The following C12orf56 variants were observed in gnomAD, a reference collection of about 807,000 sequenced individuals.
The protein encoded by C12orf56 is uncharacterized protein C12orf56.
In C12orf56, 71 loss-of-function variants were observed where a neutral mutation model predicts 69.9. That is an observed-to-expected ratio of 1.02 (90% CI 0.84 to 1.24). The LOEUF is 1.24. Ranked by LOEUF, C12orf56 falls within the 50% of genes most tolerant of loss-of-function variation. The pLI, the probability that C12orf56 is intolerant of heterozygous loss-of-function variation, is 0.00. For synonymous variants in C12orf56, 276 were observed against 274.1 expected (o/e 1.01, Z -0.07); for missense variants, 732 against 738.5 (o/e 0.99, Z 0.10).
Position 64,305,700 on chromosome 12 carries a change from A to G in C12orf56, c.969-1921T>C, listed in dbSNP as rs906524803. Among the ~76,000 whole-genome samples, 4 of 152,138 alleles carry G rather than the reference A, an allele frequency of 2.6e-5. No individual in the cohort carries two copies. The South Asian group carries it at 6.2e-4, about 24-fold the overall frequency. On this transcript the variant is annotated intron_variant, in intron 5 of 12. Transcript: ENST00000543942. ...GCCCGGCCAAATGTGCTATTTTGAT[A>G]TTTTAGTTAATGCATGTCTTCATAC...
intron 12 of C12orf56, among the ~76,000 whole-genome samples, chr12:64,268,815 AG>A (rs1028209830): frequency 1.3e-5 from 2 of 152,044 alleles, no homozygotes; most frequent in African/African-American, 4.8e-5. Flanking sequence ...CTTTTATGGG[AG>A]TCAGAATGGA....
Position 64,275,333 on chromosome 12 carries a change from C to A in C12orf56, c.1474G>T (p.Ala492Ser). ...ACCAGAAGTATCTCATATAAAAGTGCTGTAGCAGTATTTGTATACTCCAGA... is the reference window on the plus strand; with the variant it reads ...ACCAGAAGTATCTCATATAAAAGTGATGTAGCAGTATTTGTATACTCCAGA... ...LILEYTNTAT[A>S]LLYEILLVFQ... Residue 492 changes from alanine (A) to serine (S), a missense_variant, in exon 10 of 13, where the codon GCA (alanine) becomes TCA (serine). By Grantham distance (99) the Ala-to-Ser change is moderately conservative (BLOSUM62 1). Coordinates refer to ENST00000543942, the MANE Select transcript of C12orf56 (RefSeq NM_001170633.2). 1 of 1,442,062 alleles carries A rather than the reference C, an allele frequency of 6.9e-7. No individual in the cohort carries two copies. 89.3% of individuals were successfully genotyped at this position (1,442,062 alleles called of 1,614,324 possible).
chr12:64,335,921 C>G (rs1056397233), intron 2 of C12orf56, among the ~76,000 whole-genome samples: 1 of 152,112 alleles, frequency 6.6e-6, no homozygotes, highest in African/African-American at 2.4e-5. Context: ...CTAATAATTA[C>G]CTTTATTTAA....
At chr12:64,382,273 A>C (rs567713851) in intron 1 of C12orf56, among the ~76,000 whole-genome samples, 25 of 151,766 alleles carry the variant, frequency 1.6e-4, no homozygotes, top group Middle Eastern at 6.3e-3. Context: ...AAAAAAAAAA[A>C]AAAAAAAAAG....
At chr12:64,378,333 CT>C (rs1222666366) in intron 1 of C12orf56, among the ~76,000 whole-genome samples, 2 of 152,112 alleles carry the variant, frequency 1.3e-5, no homozygotes, top group African/African-American at 4.8e-5. Flanking sequence ...CATAAATTTA[CT>C]AAGTTAATTT....
chr12:64,312,738 TAA>T lies in C12orf56; in HGVS notation c.907_908del (p.Leu303ThrfsTer7), dbSNP rs1176389990. 1 of 1,535,934 alleles carries T rather than the reference TAA, an allele frequency of 6.5e-7. No homozygotes were observed. The highest frequency in any genetic ancestry group is 2.4e-5 in the East Asian group (1 of 40,892). On this transcript the variant is annotated frameshift_variant, in exon 5 of 13. Transcript: ENST00000543942. LOFTEE classifies it high-confidence loss of function. ...WNNYIIKATL[L>X]QDPFYASEFS... Reference sequence around the variant, plus strand: ...ACTCACTAGCATAGAAGGGATCTTGTAAAAGAGTAGCTTTCTGAAAAAGGAAA... The same window carrying T: ...ACTCACTAGCATAGAAGGGATCTTGTAAGAGTAGCTTTCTGAAAAAGGAAA...
At chr12:64,359,069 G>A (rs1176670521) in intron 1 of C12orf56, among the ~76,000 whole-genome samples, 1 of 152,130 alleles carries the variant, frequency 6.6e-6, no homozygotes. Context: ...TTTCTCTGAA[G>A]CAGGTCATAA....
At chr12:64,356,466 C>T (rs1202179876) in intron 1 of C12orf56, among the ~76,000 whole-genome samples, 2 of 152,148 alleles carry the variant, frequency 1.3e-5, no homozygotes, top group African/African-American at 2.4e-5. Flanking sequence ...GTTCTTATTC[C>T]TGATGCAGGT....
chr12:64,378,424 A>G (rs2039669106), intron 1 of C12orf56, among the ~76,000 whole-genome samples: 1 of 151,900 alleles, frequency 6.6e-6, no homozygotes, highest in Admixed American at 6.6e-5. Flanking sequence ...GTGACTAAGT[A>G]TCCCATATCT....
At chr12:64,352,118 T>TTTG (rs747145927) in intron 2 of C12orf56, among the ~76,000 whole-genome samples, 4 of 40,624 alleles carry the variant, frequency 9.8e-5, no homozygotes, top group South Asian at 9.8e-4. Context: ...TTTTTTTTGT[T>TTTG]TTTTTTTTTA....
chr12:64,313,213 G>C (rs1283378566), intron 4 of C12orf56, among the ~76,000 whole-genome samples: 4 of 136,522 alleles, frequency 2.9e-5, no homozygotes, highest in African/African-American at 1.1e-4. Flanking sequence ...AGTGAGCAGA[G>C]ATCACACCAC....
In C12orf56 at chr12:64,390,466, G is replaced by T. The variant is rs1246046384; in HGVS notation, c.100C>A (p.Arg34Ser). The stretch of plus-strand genomic sequence containing the variant: ...ACCACGATGCATGGCTCGTAGGCGC[G>T]GACCGCGTCGTAGACCTCGGGCGGC... ...HLPPEVYDAV[R>S]AYEPCIVVSN... The change falls in exon 1 of 13, where the codon CGC (arginine) becomes AGC (serine). Residue 34 changes from arginine to serine, a missense_variant. Coordinates refer to ENST00000543942, the MANE Select transcript of C12orf56 (RefSeq NM_001170633.2). The T allele has an allele frequency of 6.2e-7, 1 of 1,607,608 alleles. No individual in the cohort carries two copies. Among genetic ancestry groups the T allele is most frequent in the South Asian group, 1.1e-5 (1 of 91,088 alleles).
intron 1 of C12orf56, among the ~76,000 whole-genome samples, chr12:64,375,205 G>A (rs747070054): frequency 2.0e-5 from 3 of 151,600 alleles, no homozygotes; most frequent in African/African-American, 2.4e-5. Flanking sequence ...GTACAGGCCC[G>A]TGCCACCATG....
At chr12:64,333,664 G>A (rs1473104220) in intron 2 of C12orf56, among the ~76,000 whole-genome samples, 1 of 152,116 alleles carries the variant, frequency 6.6e-6, no homozygotes, top group South Asian at 2.1e-4. Context: ...ACCATGCCCA[G>A]CTAATTTTTG....
rs748644044 is a variant in C12orf56, at chr12:64,307,368, C to CTTTTTTT, written c.969-3596_969-3590dup. On this transcript the variant is annotated intron_variant, in intron 5 of 12. Transcript: ENST00000543942. ...TCTTTGGTATTGCTGATAGTCAGTC[C>CTTTTTTT]TTTTTTTTTTTTTTTTTTTGAGACG... is the stretch of plus-strand genomic sequence containing the variant. Among the ~76,000 whole-genome samples the CTTTTTTT allele has an allele frequency of 3.0e-3, 345 of 115,234 alleles. 5 individuals carry two copies. The highest frequency in any genetic ancestry group is 4.7e-3 in the Middle Eastern group (1 of 212). The allele number at this position is 115,234 out of a possible 152,430, so 75.6% of individuals were successfully genotyped here.
Position 64,274,960 on chromosome 12 carries a change from C to G in C12orf56, c.1525G>C (p.Gly509Arg). ...CAGCTAATAGCAAACTTTGTGGATC[C>G]CAATCCGAGATTTCCCTAAAAGACT... The part of the protein sequence containing the change: ...LVFQQGNLGL[G>R]STKFAISWIM... The change falls in exon 11 of 13, where the codon GGA (glycine) becomes CGA (arginine). Residue 509 changes from glycine (G) to arginine (R), a missense_variant. Gly to Arg is a moderately radical substitution (Grantham distance 125). Transcript: ENST00000543942. The G allele has an allele frequency of 7.4e-6, 12 of 1,611,200 alleles. No homozygotes were observed. Among genetic ancestry groups the G allele is most frequent in the Non-Finnish European group, 9.3e-6 (11 of 1,177,760 alleles).
Position 64,277,666 on chromosome 12 carries a change from A to G in C12orf56, c.1434+14T>C. On this transcript the variant is annotated intron_variant, in intron 9 of 12. Transcript: ENST00000543942. Reference sequence around the variant, plus strand: ...TATATATATAATAGTTTACCCCCCAAATTCTCATCTCACCTCAGCGTCAAA... The same window carrying G: ...TATATATATAATAGTTTACCCCCCAGATTCTCATCTCACCTCAGCGTCAAA... The G allele has an allele frequency of 6.8e-7, 1 of 1,463,968 alleles. No individual in the cohort carries two copies. The highest frequency in any genetic ancestry group is 9.1e-7 in the Non-Finnish European group (1 of 1,103,318). 90.7% of individuals were successfully genotyped at this position (1,463,968 alleles called of 1,614,324 possible).
At chr12:64,269,991 G>C (rs1173417497) in intron 12 of C12orf56, among the ~76,000 whole-genome samples, 1 of 152,158 alleles carries the variant, frequency 6.6e-6, no homozygotes, top group African/African-American at 2.4e-5. Context: ...TCTTCAAAGA[G>C]AGTTTGATGT....
chr12:64,345,112 C>CT (rs1592472148), intron 2 of C12orf56, among the ~76,000 whole-genome samples: 2 of 152,118 alleles, frequency 1.3e-5, no homozygotes, highest in Non-Finnish European at 2.9e-5. Context: ...TCATGAGGTT[C>CT]TTTTTGAATG....
Sources: allele counts gnomAD v4.1 joint callset (sites outside exome capture counted in the v4.1 genomes callset), GRCh38; gene constraint gnomAD v4.1.1; transcripts MANE v1.5; gene names NCBI Gene and HGNC (gene_info 2026-07-23, HGNC 2026-07-21).